The following MAGI1 variants were observed in gnomAD, a reference collection of about 807,000 sequenced individuals.
MAGI1 encodes membrane-associated guanylate kinase, WW and PDZ domain-containing protein 1.
Under a neutral mutation model 139.9 loss-of-function variants are expected in MAGI1, and 58 were observed. That is an observed-to-expected ratio of 0.41 (90% CI 0.34 to 0.52). The LOEUF is 0.52. Ranked by LOEUF, MAGI1 falls within the 20% of genes least tolerant of loss-of-function variation. The pLI is 0.12. For synonymous variants in MAGI1, 812 were observed against 737.9 expected (o/e 1.10, Z -1.63); for missense variants, 1,874 against 1,901.6 (o/e 0.99, Z 0.27).
intron 1 of MAGI1, among the ~76,000 whole-genome samples, chr3:65,644,007 C>A (rs1365265031): frequency 2.0e-5 from 3 of 152,100 alleles, no homozygotes; most frequent in African/African-American, 7.2e-5. Context: ...TCTTTGGAGA[C>A]CCCAGAGGAA....
At chr3:65,665,926 C>T (rs921512162) in intron 1 of MAGI1, among the ~76,000 whole-genome samples, 3 of 152,138 alleles carry the variant, frequency 2.0e-5, no homozygotes, top group African/African-American at 4.8e-5. Context: ...TACCATAGAG[C>T]GCCTTACAGT....
chr3:65,960,616 T>C (rs1035102966), intron 1 of MAGI1, among the ~76,000 whole-genome samples: 2 of 152,214 alleles, frequency 1.3e-5, no homozygotes, highest in Non-Finnish European at 2.9e-5. Context: ...CCTAATTTAA[T>C]TATAATATTT....
chr3:65,383,810 A>C (rs1354198725), intron 14 of MAGI1, among the ~76,000 whole-genome samples, 187 bp from the exon 15 acceptor site: 3 of 152,370 alleles, frequency 2.0e-5, no homozygotes, highest in Admixed American at 6.5e-5. Context: ...AACAGTGGGA[A>C]TAGTCACTGA....
chr3:65,975,167 T>C (rs1157896632), intron 1 of MAGI1, among the ~76,000 whole-genome samples: 1 of 151,622 alleles, frequency 6.6e-6, no homozygotes. Flanking sequence ...ATGATTGAAA[T>C]GTTCTTCCTG....
chr3:65,501,441 G>A (rs560526583), intron 2 of MAGI1, among the ~76,000 whole-genome samples: 134 of 101,180 alleles, frequency 1.3e-3, no homozygotes, highest in African/African-American at 5.1e-3. Flanking sequence ...GCAACATAGC[G>A]AGACTCTGTC....
Position 65,788,787 on chromosome 3 carries a change from T to C in MAGI1, c.314-166699A>G, listed in dbSNP as rs377025636. 5.3e-5 allele frequency among the ~76,000 whole-genome samples: 8 copies of C among 152,302 alleles called. No individual in the cohort carries two copies. The East Asian group carries it at 5.8e-4, about 11-fold the overall frequency. Reference sequence around the variant, plus strand: ...CTCAATACTAGCCATAAATCAACCATTATGTGTGGGAGTTGCTCAGTGAAA... The same window carrying C: ...CTCAATACTAGCCATAAATCAACCACTATGTGTGGGAGTTGCTCAGTGAAA... On this transcript the variant is annotated intron_variant, in intron 1 of 22. Transcript: ENST00000402939.
At chr3:65,426,377 A>G (rs1947044316) in intron 12 of MAGI1, among the ~76,000 whole-genome samples, 1 of 152,224 alleles carries the variant, frequency 6.6e-6, no homozygotes, top group Non-Finnish European at 1.5e-5. Flanking sequence ...ACAAATGTCA[A>G]AAACGAGCTC....
intron 2 of MAGI1, among the ~76,000 whole-genome samples, chr3:65,613,547 G>A (rs1477173384): frequency 6.6e-6 from 1 of 152,092 alleles, no homozygotes; most frequent in African/African-American, 2.4e-5. Flanking sequence ...CCAGTGTTAT[G>A]AGCTTTTACG....
intron 1 of MAGI1, among the ~76,000 whole-genome samples, chr3:65,800,288 G>A (rs1043930554): frequency 2.0e-5 from 3 of 152,182 alleles, no homozygotes; most frequent in South Asian, 2.1e-4. Context: ...ATTTAAAGGT[G>A]TCAGGGTAGT....
chr3:65,437,854 C>A (rs1222411779), intron 9 of MAGI1, among the ~76,000 whole-genome samples: 1 of 152,138 alleles, frequency 6.6e-6, no homozygotes, highest in Non-Finnish European at 1.5e-5. Flanking sequence ...ACTGCACTTT[C>A]TAACACTACC....
intron 2 of MAGI1, among the ~76,000 whole-genome samples, chr3:65,574,758 G>A (rs1163278346): frequency 6.6e-6 from 1 of 152,012 alleles, no homozygotes; most frequent in Non-Finnish European, 1.5e-5. Context: ...GTAAAGAAAG[G>A]TGAGTATATG....
At chr3:65,753,492 G>A (rs774266413) in intron 1 of MAGI1, among the ~76,000 whole-genome samples, 6 of 151,890 alleles carry the variant, frequency 4.0e-5, no homozygotes, top group South Asian at 2.1e-4. Flanking sequence ...AGGCCGAGGC[G>A]GGAGGATCAC....
chr3:65,761,400 A>C (rs2037012452), intron 1 of MAGI1, among the ~76,000 whole-genome samples: 1 of 152,184 alleles, frequency 6.6e-6, no homozygotes, highest in Non-Finnish European at 1.5e-5. Context: ...ATAAAGGATA[A>C]ATTATATTTC....
chr3:65,685,007 C>A (rs1267627780), intron 1 of MAGI1, among the ~76,000 whole-genome samples: 3 of 149,492 alleles, frequency 2.0e-5, no homozygotes, highest in Non-Finnish European at 4.4e-5. Flanking sequence ...CATGAGCCAT[C>A]ATGTTTGGCC....
chr3:65,991,546 G>A (rs2066174603), intron 1 of MAGI1, among the ~76,000 whole-genome samples: 1 of 152,116 alleles, frequency 6.6e-6, no homozygotes, highest in South Asian at 2.1e-4. Context: ...AATAGCTTGG[G>A]TGAGCTAATG....
At chr3:65,362,365 T>A (rs1432219349) in intron 21 of MAGI1, among the ~76,000 whole-genome samples, 1 of 152,196 alleles carries the variant, frequency 6.6e-6, no homozygotes, top group Non-Finnish European at 1.5e-5. Flanking sequence ...AGTAATTAAC[T>A]TTTTAAAGTG....
intron 1 of MAGI1, among the ~76,000 whole-genome samples, chr3:66,019,395 T>C (rs1298049832): frequency 6.6e-6 from 1 of 152,210 alleles, no homozygotes; most frequent in Non-Finnish European, 1.5e-5. Context: ...CAATCAAAAC[T>C]GTCTTCAGAC....
chr3:65,881,377 A>G (rs2060321273), intron 1 of MAGI1, among the ~76,000 whole-genome samples: 1 of 152,202 alleles, frequency 6.6e-6, no homozygotes, highest in African/African-American at 2.4e-5. Flanking sequence ...CTGTAATCCC[A>G]GCACTTTGGG....
At chr3:66,006,628 C>T (rs10510951) in intron 1 of MAGI1, among the ~76,000 whole-genome samples, 12,683 of 152,064 alleles carry the variant, frequency 0.083, 660 homozygotes, top group Middle Eastern at 0.16. Context: ...TCCTATGGTA[C>T]CAGAACTTTA....
Sources: gnomAD v4.1 joint callset for allele counts (sites outside exome capture counted in the v4.1 genomes callset) on GRCh38, gnomAD v4.1.1 for gene constraint, MANE v1.5 for transcripts, NCBI Gene and HGNC (gene_info 2026-07-23, HGNC 2026-07-21) for gene names.